Variants in PIAS1 observed in about 807,000 individuals in gnomAD.
The protein encoded by PIAS1 is protein inhibitor of activated STAT 1.
PIAS1 carries 6 observed loss-of-function variants against 71.3 expected under a neutral mutation model. That is an observed-to-expected ratio of 0.08 (90% CI 0.05 to 0.17). The LOEUF (loss-of-function observed/expected upper bound fraction) is 0.17, where lower values mean the gene tolerates loss of function less well. Among genes scored for constraint, PIAS1 ranks in the 10% least tolerant of loss-of-function variants. PIAS1 has a pLI of 1.00. For synonymous variants in PIAS1, 303 were observed against 292.9 expected, an observed-to-expected ratio of 1.03 and a Z score of -0.35; for missense variants, 555 against 793.6, an observed-to-expected ratio of 0.70 and a Z score of 3.61.
Position 68,189,704 on chromosome 15 carries a change from C to G in PIAS1, c.*1869C>G, listed in dbSNP as rs2093109975. 6.6e-6 allele frequency: 1 copy of G among 151,974 alleles called. No homozygotes were observed. The highest frequency in any genetic ancestry group is 6.6e-5 in the Admixed American group (1 of 15,260). The allele number at this position is 151,974 out of a possible 1,614,324, so 9.4% of individuals were successfully genotyped here. A position where few individuals can be genotyped will look rare whatever the true frequency, so the allele number is the denominator to read the frequency against. On this transcript the variant is annotated 3_prime_UTR_variant, in exon 14 of 14. Transcript: ENST00000249636. ...AGTAACAAGTGAGTTTCATAGTCTT[C>G]CCCTACGCATGTGTATTCCACACAC... is the stretch of plus-strand genomic sequence containing the variant.
intron 4 of PIAS1, among the ~76,000 whole-genome samples, chr15:68,143,745 A>G (rs1238660697): frequency 6.6e-6 from 1 of 152,026 alleles, no homozygotes; most frequent in Admixed American, 6.6e-5. Context: ...GTGGTTTTCA[A>G]ACTTGTTGCA....
rs779233548 is a variant in PIAS1, at chr15:68,146,700, A to G, written c.828A>G (p.Arg276=). Residue 276 remains arginine, a splice_region_variant and synonymous_variant, in exon 6 of 14, where the codon AGA becomes AGG. Transcript: ENST00000249636. ...IVVSWTAEIG[R]NYSMAVYLVK... Reference sequence around the variant, plus strand: ...TTTCTTGGACTGCAGAAATTGGAAGAGTAAGTAAATTTTTGTTTCTACCAG... The same window carrying G: ...TTTCTTGGACTGCAGAAATTGGAAGGGTAAGTAAATTTTTGTTTCTACCAG... 1.9e-6 allele frequency: 3 copies of G among 1,604,024 alleles called. No homozygotes were observed. Among genetic ancestry groups the G allele is most frequent in the Non-Finnish European group, 2.6e-6 (3 of 1,173,934 alleles).
chr15:68,187,584 T>A lies in PIAS1; in HGVS notation c.1705T>A (p.Ser569Thr), dbSNP rs2093096112. Residue 569 changes from serine to threonine, a missense_variant, in exon 14 of 14, where the codon TCA becomes ACA. Physicochemically the swap from Ser to Thr is moderately conservative, Grantham distance 58 (BLOSUM62 1). Transcript: ENST00000249636. The surrounding 1 kb of genome is among the most constrained non-coding windows in gnomAD (Gnocchi z 5.3). ...SLLAAAAAAV[S>T]DDQDLLHSSR... The stretch of plus-strand genomic sequence containing the variant: ...GCTTGCCGCTGCAGCAGCAGCAGTT[T>A]CAGATGATCAAGACCTCCTACACTC... The A allele has an allele frequency of 6.2e-7, 1 of 1,613,964 alleles. No individual in the cohort carries two copies. The highest frequency in any genetic ancestry group is 2.2e-5 in the East Asian group (1 of 44,888).
chr15:68,090,927 GGTGTGTGTGTGTGTGTGT>G (rs10667510), intron 2 of PIAS1, among the ~76,000 whole-genome samples: 4 of 142,762 alleles, frequency 2.8e-5, no homozygotes, highest in African/African-American at 7.8e-5. Context: ...GTCATTTACG[GGTGTGTGTGTGTGTGTGT>G]GTGTGTGTGT....
At chr15:68,117,738 T>C (rs1376562439) in intron 2 of PIAS1, among the ~76,000 whole-genome samples, 1 of 152,240 alleles carries the variant, frequency 6.6e-6, no homozygotes. Context: ...ATACCACATT[T>C]TCTTCATCCA....
Position 68,086,822 on chromosome 15 carries a change from C to T in PIAS1, c.469+72C>T. 1 of 817,098 alleles carries T rather than the reference C, an allele frequency of 1.2e-6. No homozygotes were observed. 50.6% of individuals were successfully genotyped at this position (817,098 alleles called of 1,614,324 possible). ...TTTCGTTTTAGGCTTTTACTTTGAC[C>T]CAGTTTATTATTCATAATGAAATTT... On this transcript the variant is annotated intron_variant, in intron 2 of 13. Transcript: ENST00000249636. This position sits in a 1 kb window ranked among gnomAD's most constrained non-coding sequence, Gnocchi z 7.2.
chr15:68,143,823 C>T (rs2092788832), intron 4 of PIAS1, among the ~76,000 whole-genome samples: 1 of 152,076 alleles, frequency 6.6e-6, no homozygotes, highest in Non-Finnish European at 1.5e-5. Context: ...CATACACAGT[C>T]TGAACCAAAG....
chr15:68,128,488 C>G (rs2092667899), intron 2 of PIAS1, among the ~76,000 whole-genome samples: 1 of 152,152 alleles, frequency 6.6e-6, no homozygotes, highest in Non-Finnish European at 1.5e-5. Flanking sequence ...CTGGATCTCA[C>G]AATTAGTGGG....
intron 2 of PIAS1, among the ~76,000 whole-genome samples, chr15:68,139,421 T>G (rs142478185): frequency 2.4e-4 from 37 of 152,350 alleles, no homozygotes; most frequent in African/African-American, 8.9e-4. Flanking sequence ...TATTTGATCA[T>G]AAGTACCTCT....
intron 1 of PIAS1, among the ~76,000 whole-genome samples, chr15:68,076,563 C>T (rs558486978): frequency 3.3e-5 from 5 of 152,150 alleles, no homozygotes; most frequent in East Asian, 1.9e-4. Context: ...TCATCTTAAT[C>T]GCAAATAGTT....
At chr15:68,090,931 T>G (rs182145691) in intron 2 of PIAS1, among the ~76,000 whole-genome samples, 1 of 147,642 alleles carries the variant, frequency 6.8e-6, no homozygotes, top group African/African-American at 2.6e-5. Flanking sequence ...TTTACGGGTG[T>G]GTGTGTGTGT....
Position 68,164,908 on chromosome 15 carries a change from GTCCACCA to G in PIAS1, c.1008+106_1008+112del. The G allele has an allele frequency of 1.1e-5, 7 of 632,290 alleles. No homozygotes were observed. The South Asian group carries it at 1.3e-4, about 11-fold the overall frequency. The allele number at this position is 632,290 out of a possible 1,614,324, so 39.2% of individuals were successfully genotyped here. On this transcript the variant is annotated intron_variant, in intron 8 of 13. Coordinates refer to ENST00000249636, the MANE Select transcript of PIAS1 (RefSeq NM_016166.3). The stretch of plus-strand genomic sequence containing the variant: ...GAAATTCTGTTTGCTTCTAAAATAT[GTCCACCA>G]TTGTTACAGTTTATGAAAAGTGGAA...
chr15:68,138,795 G>C (rs555909258), intron 2 of PIAS1, among the ~76,000 whole-genome samples: 4 of 152,256 alleles, frequency 2.6e-5, no homozygotes, highest in African/African-American at 7.2e-5. Context: ...CTTTAATAAG[G>C]GTGTAACAAC....
At chr15:68,101,979 TCCCACCCCAGCCTACCAA>T (rs1408855643) in intron 2 of PIAS1, among the ~76,000 whole-genome samples, 1 of 152,088 alleles carries the variant, frequency 6.6e-6, no homozygotes, top group Non-Finnish European at 1.5e-5. Flanking sequence ...CAAGTGATCC[TCCCACCCCAGCCTACCAA>T]AACACTGAGA....
In PIAS1 at chr15:68,100,788, TC is replaced by T. The variant is rs2092416807; in HGVS notation, c.469+14040del. 2.0e-5 allele frequency among the ~76,000 whole-genome samples: 3 copies of T among 152,216 alleles called. No homozygotes were observed. The South Asian group carries it at 6.2e-4, about 31-fold the overall frequency. ...ATTCCTAGCAGCCATGAATGAATGA[TC>T]CAGTGTTTCTGCATCCTTGTCAGCA... On this transcript the variant is annotated intron_variant, in intron 2 of 13. Transcript: ENST00000249636.
At chr15:68,169,163 A>G (rs2092975084) in intron 8 of PIAS1, among the ~76,000 whole-genome samples, 2 of 152,226 alleles carry the variant, frequency 1.3e-5, no homozygotes, top group Non-Finnish European at 2.9e-5. Context: ...TATTAAGGCA[A>G]TAGCAAAAGT....
intron 2 of PIAS1, among the ~76,000 whole-genome samples, chr15:68,107,796 G>GA (rs879935780): frequency 0.015 from 2,181 of 141,988 alleles, 58 homozygotes; most frequent in African/African-American, 0.051. Context: ...ACACATTTAA[G>GA]AAAAAAAAAA....
At chr15:68,130,616 A>G (rs1443179621) in intron 2 of PIAS1, among the ~76,000 whole-genome samples, 1 of 151,472 alleles carries the variant, frequency 6.6e-6, no homozygotes, top group Non-Finnish European at 1.5e-5. Context: ...GTTCTCAGTT[A>G]TTAAAAAGTA....
intron 6 of PIAS1, among the ~76,000 whole-genome samples, chr15:68,152,396 G>C (rs2092854149): frequency 6.6e-6 from 1 of 152,120 alleles, no homozygotes; most frequent in Non-Finnish European, 1.5e-5. Context: ...ATAAAAATAT[G>C]ACCTTCCAGA....
Sources: gnomAD v4.1 joint callset for allele counts (sites outside exome capture counted in the v4.1 genomes callset) on GRCh38, gnomAD v4.1.1 for gene constraint, Gnocchi (gnomAD v3.1) non-coding constraint, MANE v1.5 for transcripts, NCBI Gene and HGNC (gene_info 2026-07-23, HGNC 2026-07-21) for gene names.